The following CXorf38 variants were observed in gnomAD, a reference collection of about 807,000 sequenced individuals.
The protein encoded by CXorf38 is chromosome X open reading frame 38, also known as uncharacterized protein CXorf38.
In CXorf38, 13 loss-of-function variants were observed where a neutral mutation model predicts 27.5. The ratio of observed to expected loss-of-function variants is 0.47; its 90% confidence interval spans 0.31 to 0.75. The LOEUF (loss-of-function observed/expected upper bound fraction) is 0.75, where lower values mean the gene tolerates loss of function less well. Ranked by LOEUF, CXorf38 falls within the 30% of genes least tolerant of loss-of-function variation. The pLI is 0.05. For missense variants in CXorf38, 240 were observed against 253.2 expected, an observed-to-expected ratio of 0.95 and a Z score of 0.35; for synonymous variants, 100 against 99.8, an observed-to-expected ratio of 1.00 and a Z score of -0.01.
intron 3 of CXorf38, among the ~76,000 whole-genome samples, chrX:40,638,168 T>C (rs1400236957): frequency 8.9e-6 from 1 of 112,044 alleles, no homozygotes; most frequent in Non-Finnish European, 1.9e-5. Context: ...AAATAAACTT[T>C]GGCCTCTATC....
intron 6 of CXorf38, 82 bp downstream of exon 6, chrX:40,630,532 G>A (rs1317178044): frequency 1.1e-6 from 1 of 945,288 alleles, no homozygotes; most frequent in Admixed American, 2.8e-5. Context: ...GTGTGTTCAT[G>A]ATGGCCTCAC....
chrX:40,641,826 G>A (rs773776710), intron 2 of CXorf38, among the ~76,000 whole-genome samples: 1 of 112,330 alleles, frequency 8.9e-6, no homozygotes, highest in Non-Finnish European at 1.9e-5. Context: ...CATGCCAAAC[G>A]CACAGCAGTG....
Position 40,628,296 on chromosome X carries a change from G to T in CXorf38, c.*1868C>A, listed in dbSNP as rs751479736. On this transcript the variant is annotated 3_prime_UTR_variant, in exon 7 of 7. Transcript: ENST00000327877. ...AAAAATATACACCAAATAAACCCCTGCCCTCCACCCATTCTACAGATGACA... is the reference window on the plus strand; with the variant it reads ...AAAAATATACACCAAATAAACCCCTTCCCTCCACCCATTCTACAGATGACA... 8.9e-6 allele frequency: 1 copy of T among 112,189 alleles called. No individual in the cohort carries two copies. The highest frequency in any genetic ancestry group is 2.8e-4 in the East Asian group (1 of 3,581). The allele number at this position is 112,189 out of a possible 1,213,427, so 9.2% of individuals were successfully genotyped here.
Position 40,636,660 on chromosome X carries a change from C to G in CXorf38, c.674G>C (p.Gly225Ala). The change falls in exon 5 of 7, where the codon GGG (glycine) becomes GCG (alanine). Residue 225 changes from glycine to alanine, a missense_variant. Gly to Ala is a moderately conservative substitution (Grantham distance 60). Coordinates refer to ENST00000327877, the MANE Select transcript of CXorf38 (RefSeq NM_144970.3). ...VHIPEEDQRD[G>A]CECEMGTYLS... Reference sequence around the variant, plus strand: ...GTAAGTTCCCATTTCACATTCACACCCATCTCGCTGATCTTCCTCGGGGAT... The same window carrying G: ...GTAAGTTCCCATTTCACATTCACACGCATCTCGCTGATCTTCCTCGGGGAT... The G allele has an allele frequency of 8.3e-7, 1 of 1,209,021 alleles. No individual in the cohort carries two copies. Among genetic ancestry groups the G allele is most frequent in the Non-Finnish European group, 1.1e-6 (1 of 894,067 alleles).
chrX:40,637,072 G>A lies in CXorf38; in HGVS notation c.556C>T (p.Gln186Ter), dbSNP rs1226026088. The A allele has an allele frequency of 8.3e-7, 1 of 1,204,536 alleles. No homozygotes were observed. Among genetic ancestry groups the A allele is most frequent in the South Asian group, 1.8e-5 (1 of 56,524 alleles). ...TWLRDFQMKI[Q>*]NFLNEFKNIP... ...TTCTTGAATTCATTCAGAAAATTTT[G>A]GATCTTCATCTGAAAATCTCGAAGC... Residue 186 changes from glutamine (Q) to a stop codon, truncating the protein, a stop_gained, in exon 4 of 7, where the codon CAA becomes TAA. Coordinates refer to ENST00000327877, the MANE Select transcript of CXorf38 (RefSeq NM_144970.3). LOFTEE classifies it high-confidence loss of function.
chrX:40,646,921 G>T, intron 2 of CXorf38, 86 bp downstream of exon 2: 1 of 1,045,616 alleles, frequency 9.6e-7, no homozygotes, highest in Non-Finnish European at 1.3e-6. Flanking sequence ...TGTTTATGAG[G>T]CCCCGGCGAC....
intron 3 of CXorf38, among the ~76,000 whole-genome samples, chrX:40,638,676 T>C (rs902081632): frequency 1.8e-5 from 2 of 112,175 alleles, no homozygotes; most frequent in Admixed American, 1.9e-4. Context: ...GTTCTGTTTA[T>C]GGCAGAACAG....
intron 1 of CXorf38, 29 bp downstream of exon 1, chrX:40,647,276 G>A (rs765737659): frequency 1.8e-6 from 2 of 1,096,275 alleles, no homozygotes; most frequent in African/African-American, 1.9e-5. Context: ...GGTGGGGGCG[G>A]TGGTCAAGGC....
chrX:40,630,844 C>G (rs1927744114), intron 5 of CXorf38, 71 bp from the exon 6 acceptor site: 1 of 1,027,789 alleles, frequency 9.7e-7, no homozygotes. Context: ...AATGAAAAAC[C>G]TACTAGCTTC....
chrX:40,638,605 G>A (rs1481445519), intron 3 of CXorf38, among the ~76,000 whole-genome samples: 1 of 111,926 alleles, frequency 8.9e-6, no homozygotes, highest in East Asian at 2.8e-4. Context: ...TCAAATGCTG[G>A]CATACAACAG....
At chrX:40,631,310 T>C (rs145723181) in intron 5 of CXorf38, among the ~76,000 whole-genome samples, 1,615 of 106,745 alleles carry the variant, frequency 0.015, 16 homozygotes, top group Middle Eastern at 0.05. Flanking sequence ...TGTGTGTGTA[T>C]ATTTTTTGTT....
At chrX:40,643,682 G>A (rs1036920437) in intron 2 of CXorf38, among the ~76,000 whole-genome samples, 9 of 110,553 alleles carry the variant, frequency 8.1e-5, no homozygotes, top group African/African-American at 3.0e-4. Context: ...CTAATTTTTT[G>A]TATTTTTAGT....
At chrX:40,637,533 C>A (rs72623244) in intron 3 of CXorf38, among the ~76,000 whole-genome samples, 2 of 111,904 alleles carry the variant, frequency 1.8e-5, no homozygotes, top group African/African-American at 6.5e-5. Context: ...TCAGGGCAAA[C>A]TGGGGAGCAG....
At chrX:40,644,005 T>C (rs1394055787) in intron 2 of CXorf38, among the ~76,000 whole-genome samples, 6 of 112,329 alleles carry the variant, frequency 5.3e-5, no homozygotes, top group African/African-American at 1.6e-4. Flanking sequence ...AGATACTGCA[T>C]TTTAAAAATT....
intron 5 of CXorf38, among the ~76,000 whole-genome samples, chrX:40,631,629 C>T (rs1396083047): frequency 6.3e-5 from 7 of 111,603 alleles, no homozygotes; most frequent in Non-Finnish European, 9.4e-5. Flanking sequence ...AATGGGGAAC[C>T]CTCAACTGCA....
intron 2 of CXorf38, chrX:40,640,131 G>A (rs1173549307): frequency 1.4e-5 from 4 of 285,745 alleles, no homozygotes; most frequent in African/African-American, 1.1e-4. Context: ...GATCGTTTGA[G>A]CCCAGCCTGG....
intron 5 of CXorf38, among the ~76,000 whole-genome samples, chrX:40,633,328 AT>A (rs1927914076): frequency 9.1e-6 from 1 of 110,235 alleles, no homozygotes; most frequent in Non-Finnish European, 1.9e-5. Flanking sequence ...CTTCCCCTAG[AT>A]ACACGCATGG....
chrX:40,631,258 C>CATAT (rs1927782959), intron 5 of CXorf38, among the ~76,000 whole-genome samples: 1 of 13,076 alleles, frequency 7.6e-5, no homozygotes, highest in Non-Finnish European at 2.6e-4. Flanking sequence ...TATATATACA[C>CATAT]ACACACACAC....
At chrX:40,635,303 G>T (rs1444827272) in intron 5 of CXorf38, among the ~76,000 whole-genome samples, 1 of 113,244 alleles carries the variant, frequency 8.8e-6, no homozygotes, top group Non-Finnish European at 1.9e-5. Context: ...AAAACCAGGG[G>T]TACCAAGCCC....
Sources: allele counts gnomAD v4.1 joint callset (sites outside exome capture counted in the v4.1 genomes callset), GRCh38; gene constraint gnomAD v4.1.1; transcripts MANE v1.5; gene names NCBI Gene and HGNC (gene_info 2026-07-23, HGNC 2026-07-21).